The following DGKB variants were observed in gnomAD, a reference collection of about 807,000 sequenced individuals.
DGKB encodes diacylglycerol kinase beta.
In DGKB, 67 loss-of-function variants were observed where a neutral mutation model predicts 114.3. The ratio of observed to expected loss-of-function variants is 0.59; its 90% CI spans 0.48 to 0.72. DGKB has a LOEUF of 0.72. DGKB is among the 30% of genes least tolerant of loss of function. The pLI is 0.00. For missense variants in DGKB, 907 were observed against 975.2 expected (o/e 0.93, Z 0.93); for synonymous variants, 398 against 323.1 (o/e 1.23, Z -2.49).
chr7:14,174,512 A>G (rs1211758510), intron 25 of DGKB, among the ~76,000 whole-genome samples: 1 of 152,182 alleles, frequency 6.6e-6, no homozygotes, highest in Non-Finnish European at 1.5e-5. Context: ...CCAAAATAAT[A>G]CAAAGAGTAT....
In DGKB at chr7:14,919,791, G is replaced by A. The variant is rs1160316314; in HGVS notation, c.-188+54905C>T. Among the ~76,000 whole-genome samples the A allele has an allele frequency of 2.0e-5, 3 of 152,262 alleles. No homozygotes were observed. The East Asian group carries it at 5.8e-4, about 29-fold the overall frequency. The stretch of plus-strand genomic sequence containing the variant: ...CTTGGTGCCATCCCCTTCATGATGA[G>A]TGAGTTCTCACTCCATTAGTTCACA... On this transcript the variant is annotated intron_variant, in intron 1 of 4. Transcript: ENST00000437998.
chr7:14,548,034 C>T (rs566568526), intron 20 of DGKB, among the ~76,000 whole-genome samples: 1 of 152,278 alleles, frequency 6.6e-6, no homozygotes, highest in African/African-American at 2.4e-5. Context: ...TTACCTTTAT[C>T]TATACCTAGA....
At chr7:14,341,670 T>C (rs1583292283) in intron 22 of DGKB, among the ~76,000 whole-genome samples, 1 of 151,850 alleles carries the variant, frequency 6.6e-6, no homozygotes, top group Admixed American at 6.6e-5. Context: ...GAGACAAATA[T>C]AATTAAAAGA....
intron 12 of DGKB, among the ~76,000 whole-genome samples, chr7:14,674,785 T>C (rs1268015055): frequency 6.6e-6 from 1 of 152,048 alleles, no homozygotes; most frequent in Non-Finnish European, 1.5e-5. Flanking sequence ...ATTCCAGGGA[T>C]TGCTGGCAAC....
At chr7:14,881,125 C>G (rs939862240) in intron 1 of DGKB, among the ~76,000 whole-genome samples, 4 of 152,072 alleles carry the variant, frequency 2.6e-5, no homozygotes, top group Non-Finnish European at 4.4e-5. Flanking sequence ...TACACCATTG[C>G]CAGACTAGAT....
chr7:14,570,203 C>G (rs1347216841), intron 20 of DGKB, among the ~76,000 whole-genome samples: 1 of 151,748 alleles, frequency 6.6e-6, no homozygotes, highest in South Asian at 2.1e-4. Flanking sequence ...TTTGCAAAGT[C>G]AATTTTTCAA....
At chr7:14,268,611 T>A (rs1797856017) in intron 23 of DGKB, among the ~76,000 whole-genome samples, 1 of 152,290 alleles carries the variant, frequency 6.6e-6, no homozygotes, top group African/African-American at 2.4e-5. Context: ...ATAAAAGAAA[T>A]ATGTTAGAAG....
At position 14,850,340 on chromosome 7, in the gene DGKB, CTT is replaced by C. The variant is rs5882467; in HGVS notation, c.-187-8892_-187-8891del. On this transcript the variant is annotated intron_variant, in intron 1 of 25. Coordinates refer to ENST00000402815, the MANE Select transcript of DGKB (RefSeq NM_001350709.2). ...AGAGAAAAAATATGAAATCGAGAGA[CTT>C]TTTTTTTCTTGTAGAAATTACTGGA... Among the ~76,000 whole-genome samples, 5 of 151,606 alleles carry C rather than the reference CTT, an allele frequency of 3.3e-5. No individual in the cohort carries two copies. In the East Asian group the frequency reaches 5.8e-4, roughly 18 times the overall value.
chr7:14,427,584 T>C (rs1384416492), intron 21 of DGKB, among the ~76,000 whole-genome samples: 1 of 152,118 alleles, frequency 6.6e-6, no homozygotes, highest in African/African-American at 2.4e-5. Context: ...GACAGGGTGA[T>C]TTACAAAAGA....
At chr7:14,890,327 G>C (rs1050217468) in intron 1 of DGKB, among the ~76,000 whole-genome samples, 2 of 151,540 alleles carry the variant, frequency 1.3e-5, no homozygotes, top group Admixed American at 6.6e-5. Flanking sequence ...ATTTTTGATA[G>C]ATGAGAAATG....
intron 2 of DGKB, among the ~76,000 whole-genome samples, chr7:14,796,453 G>T (rs924464199): frequency 8.6e-5 from 13 of 152,020 alleles, no homozygotes; most frequent in Admixed American, 3.9e-4. Context: ...AGCTTTCAAT[G>T]GAAATTTTAA....
intron 2 of DGKB, among the ~76,000 whole-genome samples, chr7:14,825,894 G>A (rs1489437867): frequency 6.6e-6 from 1 of 152,138 alleles, no homozygotes; most frequent in African/African-American, 2.4e-5. Context: ...CTATTAGGAG[G>A]AGGATTGAAG....
chr7:14,419,329 A>G (rs544124595), intron 21 of DGKB, among the ~76,000 whole-genome samples: 1 of 152,092 alleles, frequency 6.6e-6, no homozygotes, highest in East Asian at 1.9e-4. Context: ...GCTGTAATCA[A>G]AATTGTACTA....
At chr7:14,886,022 A>G (rs1356995269) in intron 1 of DGKB, among the ~76,000 whole-genome samples, 1 of 151,910 alleles carries the variant, frequency 6.6e-6, no homozygotes, top group Non-Finnish European at 1.5e-5. Flanking sequence ...TATACAAGAA[A>G]ATTGATAGTG....
chr7:14,825,014 ATG>A (rs201521930), intron 2 of DGKB, among the ~76,000 whole-genome samples: 3 of 77,986 alleles, frequency 3.8e-5, no homozygotes, highest in African/African-American at 6.1e-5. Context: ...ATGTATGTGT[ATG>A]TATATATATA....
intron 2 of DGKB, among the ~76,000 whole-genome samples, chr7:14,778,377 G>A (rs190283674): frequency 1.1e-4 from 16 of 151,986 alleles, no homozygotes; most frequent in Admixed American, 9.2e-4. Context: ...ATAGAACCTA[G>A]TGCATAAACT....
intron 25 of DGKB, 29 bp from the exon 26 acceptor site, chr7:14,149,267 A>G: frequency 6.5e-7 from 1 of 1,535,588 alleles, no homozygotes; most frequent in South Asian, 1.1e-5. Flanking sequence ...AGAGAGAGAG[A>G]AAGAATAGAG....
At chr7:14,556,305 A>G (rs1795861541) in intron 20 of DGKB, among the ~76,000 whole-genome samples, 1 of 152,118 alleles carries the variant, frequency 6.6e-6, no homozygotes, top group African/African-American at 2.4e-5. Flanking sequence ...ATTAAAAAGG[A>G]AAGTTAGAGG....
At chr7:14,257,455 C>T (rs1220284730) in intron 23 of DGKB, among the ~76,000 whole-genome samples, 1 of 152,038 alleles carries the variant, frequency 6.6e-6, no homozygotes, top group African/African-American at 2.4e-5. Context: ...GCTGTGTCCC[C>T]ACTCAAATCT....
Sources: allele counts gnomAD v4.1 joint callset (sites outside exome capture counted in the v4.1 genomes callset), GRCh38; gene constraint gnomAD v4.1.1; transcripts MANE v1.5; gene names NCBI Gene and HGNC (gene_info 2026-07-23, HGNC 2026-07-21).